HECW2: variants seen among roughly 807,000 people sequenced by gnomAD.
HECW2 encodes E3 ubiquitin-protein ligase HECW2.
Under a neutral mutation model 175.2 loss-of-function variants are expected in HECW2, and 61 were observed. The ratio of observed to expected loss-of-function variants is 0.35; its 90% CI spans 0.28 to 0.43. HECW2 has a LOEUF of 0.43. Among genes scored for constraint, HECW2 ranks in the 20% least tolerant of loss-of-function variants. The pLI is 1.00. For synonymous variants in HECW2, 671 were observed against 731.0 expected (o/e 0.92, Z 1.32); for missense variants, 1,524 against 2,000.5 (o/e 0.76, Z 4.54).
chr2:196,301,090 A>G (rs932789565), intron 13 of HECW2, among the ~76,000 whole-genome samples: 4 of 152,100 alleles, frequency 2.6e-5, no homozygotes, highest in African/African-American at 9.7e-5. Context: ...ATGGGTTCTC[A>G]TCATTCAGCT....
intron 1 of HECW2, among the ~76,000 whole-genome samples, chr2:196,530,216 C>T (rs1688796674): frequency 6.6e-6 from 1 of 152,158 alleles, no homozygotes; most frequent in South Asian, 2.1e-4. Flanking sequence ...ATTTAGTTTT[C>T]CTGTGCTAAG....
chr2:196,361,868 C>T (rs1693598950), intron 2 of HECW2: 1 of 985,192 alleles, frequency 1.0e-6, no homozygotes, highest in African/African-American at 1.7e-5. Context: ...TAGGCAGCAG[C>T]AAGAAGAAAC....
intron 28 of HECW2, among the ~76,000 whole-genome samples, chr2:196,205,156 C>T (rs149764656): frequency 7.4e-4 from 113 of 152,302 alleles, no homozygotes; most frequent in Non-Finnish European, 1.4e-3. Flanking sequence ...ATAAACTAAA[C>T]AGCTCCTCTG....
Position 196,308,104 on chromosome 2 carries a change from C to A in HECW2, c.2435-19G>T. 3 of 1,539,224 alleles carry A rather than the reference C, an allele frequency of 1.9e-6. No individual in the cohort carries two copies. The highest frequency in any genetic ancestry group is 2.7e-6 in the Non-Finnish European group (3 of 1,131,796). ...TCCCAGTCTAAATGGCAGTGAGGCA[C>A]CGAAAGGAATTAGGAGGAGGAGCTG... On this transcript the variant is annotated intron_variant, in intron 10 of 28. Transcript: ENST00000644978.
intron 1 of HECW2, among the ~76,000 whole-genome samples, chr2:196,497,227 A>G (rs1480279422): frequency 1.3e-5 from 2 of 152,182 alleles, no homozygotes; most frequent in Non-Finnish European, 2.9e-5. Flanking sequence ...GGTAACTTGT[A>G]TTTCCTGGTC....
intron 28 of HECW2, among the ~76,000 whole-genome samples, chr2:196,211,533 G>A (rs1310507738): frequency 1.3e-5 from 2 of 152,076 alleles, no homozygotes; most frequent in African/African-American, 4.8e-5. Flanking sequence ...GGAAAAAAGA[G>A]CCATGGATTC....
intron 13 of HECW2, among the ~76,000 whole-genome samples, chr2:196,296,188 G>A (rs1690807600): frequency 6.6e-6 from 1 of 152,150 alleles, no homozygotes; most frequent in Non-Finnish European, 1.5e-5. Flanking sequence ...TATATCTATA[G>A]TTTGGGAAGG....
At chr2:196,368,922 T>A in intron 2 of HECW2, among the ~76,000 whole-genome samples, 1 of 152,166 alleles carries the variant, frequency 6.6e-6, no homozygotes, top group East Asian at 1.9e-4. Context: ...ACAGTCACTT[T>A]GAATTCTCTG....
At chr2:196,457,754 A>C (rs559171993) in intron 1 of HECW2, among the ~76,000 whole-genome samples, 1 of 152,316 alleles carries the variant, frequency 6.6e-6, no homozygotes, top group East Asian at 1.9e-4. Flanking sequence ...TTTAAAAATA[A>C]GTATAACCAG....
chr2:196,392,204 T>C (rs16850725), intron 2 of HECW2, among the ~76,000 whole-genome samples: 9,194 of 152,262 alleles, frequency 0.06, 313 homozygotes, highest in Middle Eastern at 0.17. Context: ...TGGTAATGAA[T>C]AGAATAAAAT....
rs569883260 is a variant in HECW2 at position 196,226,679 on chromosome 2, A to C, written c.3918-809T>G. Among the ~76,000 whole-genome samples the C allele has an allele frequency of 5.9e-5, 3 of 51,060 alleles. No homozygotes were observed. The South Asian group carries it at 3.1e-3, about 52-fold the overall frequency. The allele number at this position is 51,060 out of a possible 152,430, so 33.5% of individuals were successfully genotyped here. A position where few individuals can be genotyped will look rare whatever the true frequency, so the allele number is the denominator to read the frequency against. On this transcript the variant is annotated intron_variant, in intron 22 of 28. Coordinates refer to ENST00000644978, the MANE Select transcript of HECW2 (RefSeq NM_001348768.2). Reference sequence around the variant, plus strand: ...ATTCCCTCCTAGTGTGTATGCATGAATATTAGCAGAATTTCTCAATACAAA... The same window carrying C: ...ATTCCCTCCTAGTGTGTATGCATGACTATTAGCAGAATTTCTCAATACAAA...
At chr2:196,375,035 A>G (rs1334462509) in intron 2 of HECW2, among the ~76,000 whole-genome samples, 5 of 151,576 alleles carry the variant, frequency 3.3e-5, no homozygotes, top group African/African-American at 1.2e-4. Flanking sequence ...GGTGGTGCGC[A>G]CCTGTAATCC....
intron 1 of HECW2, among the ~76,000 whole-genome samples, chr2:196,488,190 A>T (rs1222014417): frequency 6.6e-6 from 1 of 152,228 alleles, no homozygotes; most frequent in Non-Finnish European, 1.5e-5. Flanking sequence ...TTATGATCCC[A>T]TTTCTCAAAG....
In HECW2 at chr2:196,572,524, C is replaced by T. The variant is rs371404603; in HGVS notation, c.-36+20984G>A. ...ATGAAAGAGTTCTAGAGATTGGTTG[C>T]ATAACAGTGTGAATGTACTTAACAT... On this transcript the variant is annotated intron_variant, in intron 1 of 28. Coordinates refer to ENST00000644978, the MANE Select transcript of HECW2 (RefSeq NM_001348768.2). Among the ~76,000 whole-genome samples the T allele has an allele frequency of 3.9e-5, 6 of 152,078 alleles. No individual in the cohort carries two copies. In the East Asian group the frequency reaches 5.8e-4, roughly 15 times the overall value.
At chr2:196,308,647 C>A (rs527524666) in intron 10 of HECW2, among the ~76,000 whole-genome samples, 1 of 152,334 alleles carries the variant, frequency 6.6e-6, no homozygotes, top group East Asian at 1.9e-4. Flanking sequence ...CCAAAGATGA[C>A]TACATTTTCA....
Position 196,242,215 on chromosome 2 carries a change from C to A in HECW2, c.3530-11G>T. ...TGGCACGCTGGGTACCTGCAGCAAA[C>A]CACAAAGAGAGGACAATCTGGATTT... On this transcript the variant is annotated splice_polypyrimidine_tract_variant and intron_variant, in intron 19 of 28. Coordinates refer to ENST00000644978, the MANE Select transcript of HECW2 (RefSeq NM_001348768.2). 1 of 1,614,062 alleles carries A rather than the reference C, an allele frequency of 6.2e-7. No individual in the cohort carries two copies.
chr2:196,323,910 TTTTTG>T (rs1559041860), intron 6 of HECW2, among the ~76,000 whole-genome samples: 3 of 87,308 alleles, frequency 3.4e-5, no homozygotes, highest in African/African-American at 1.2e-4. Flanking sequence ...TTTTTTTTGT[TTTTTG>T]TTTGTTTTTT....
In HECW2 at chr2:196,382,215, ATGTG is replaced by A. The variant is rs59201871; in HGVS notation, c.293-38455_293-38452del. On this transcript the variant is annotated intron_variant, in intron 2 of 28. Transcript: ENST00000644978. ...ATGTGTGTGTGTATATACATATAGT[ATGTG>A]TGTGTGTGTGTATATATATATATAT... Among the ~76,000 whole-genome samples, 1,419 of 148,434 alleles carry A rather than the reference ATGTG, an allele frequency of 9.6e-3. 16 individuals are homozygous for A. The highest frequency in any genetic ancestry group is 0.016 in the Non-Finnish European group (1,039 of 66,990).
intron 13 of HECW2, among the ~76,000 whole-genome samples, chr2:196,305,454 T>A (rs919646372): frequency 6.6e-5 from 10 of 152,200 alleles, no homozygotes; most frequent in Non-Finnish European, 1.0e-4. Flanking sequence ...AAATATGTAT[T>A]AATATATACT....
Sources: gnomAD v4.1 joint callset for allele counts (sites outside exome capture counted in the v4.1 genomes callset) on GRCh38, gnomAD v4.1.1 for gene constraint, MANE v1.5 for transcripts, NCBI Gene and HGNC (gene_info 2026-07-23, HGNC 2026-07-21) for gene names.